The following SLC16A12 variants were observed in gnomAD, a reference collection of about 807,000 sequenced individuals.
The protein encoded by SLC16A12 is solute carrier family 16 member 12.
Under a neutral mutation model 42.4 loss-of-function variants are expected in SLC16A12, and 17 were observed. That is an observed-to-expected ratio of 0.40 (90% CI 0.27 to 0.60). SLC16A12 has a LOEUF of 0.60. SLC16A12 is among the 20% of genes least tolerant of loss of function. SLC16A12 has a pLI of 0.42. For synonymous variants in SLC16A12, 224 were observed against 229.4 expected (o/e 0.98, Z 0.21); for missense variants, 544 against 623.0 (o/e 0.87, Z 1.35).
intron 2 of SLC16A12, among the ~76,000 whole-genome samples, chr10:89,483,730 G>A (rs1161661134): frequency 1.5e-5 from 2 of 131,140 alleles, no homozygotes; most frequent in Non-Finnish European, 3.1e-5. Flanking sequence ...ATAGTGAGAC[G>A]CTGCCTCTAA....
At chr10:89,540,878 C>A (rs1416770105) in intron 2 of SLC16A12, among the ~76,000 whole-genome samples, 1 of 151,686 alleles carries the variant, frequency 6.6e-6, no homozygotes, top group Non-Finnish European at 1.5e-5. Context: ...AATCTCATTT[C>A]TACCACTTCT....
At chr10:89,445,545 A>G (rs1462069809) in intron 3 of SLC16A12, among the ~76,000 whole-genome samples, 1 of 152,254 alleles carries the variant, frequency 6.6e-6, no homozygotes, top group African/African-American at 2.4e-5. Context: ...ACAAACAGAA[A>G]CGAATAACAT....
intron 2 of SLC16A12, among the ~76,000 whole-genome samples, chr10:89,531,427 G>A (rs1765305515): frequency 6.6e-6 from 1 of 151,988 alleles, no homozygotes; most frequent in South Asian, 2.1e-4. Context: ...CAATAGCAAA[G>A]TACAACTGGC....
At chr10:89,526,197 G>A (rs1369207624) in intron 2 of SLC16A12, among the ~76,000 whole-genome samples, 1 of 151,804 alleles carries the variant, frequency 6.6e-6, no homozygotes, top group Non-Finnish European at 1.5e-5. Flanking sequence ...AACTGTACAT[G>A]GGGGAATTAT....
chr10:89,514,953 A>G (rs557979740), intron 2 of SLC16A12, among the ~76,000 whole-genome samples: 3 of 152,214 alleles, frequency 2.0e-5, no homozygotes, highest in South Asian at 2.1e-4. Context: ...TTAGCCAGTC[A>G]TAGTGGCATG....
upstream of SLC16A12, among the ~76,000 whole-genome samples, chr10:89,538,164 A>G (rs147297245): frequency 9.2e-5 from 14 of 152,362 alleles, no homozygotes; most frequent in African/African-American, 3.4e-4. Context: ...GGGGTGGAGA[A>G]TGTTGGACTG....
chr10:89,458,937 A>G (rs537278675), intron 3 of SLC16A12, among the ~76,000 whole-genome samples: 66 of 152,346 alleles, frequency 4.3e-4, no homozygotes, highest in Non-Finnish European at 8.2e-4. Flanking sequence ...TGTGCAAGTA[A>G]GATGTGTTTA....
chr10:89,495,060 A>G (rs1413442953), intron 2 of SLC16A12, among the ~76,000 whole-genome samples: 1 of 152,146 alleles, frequency 6.6e-6, no homozygotes, highest in Non-Finnish European at 1.5e-5. Context: ...TAAAAACACT[A>G]GGAACTGGCC....
rs1180085385 is a variant in SLC16A12, at chr10:89,430,830, TAAAC to T, written c.*2230_*2233del. ...ACAGAAATTATATTGCAGAACCACA[TAAAC>T]AAAATTTTGTTGTGATCATGATAAA... is the stretch of plus-strand genomic sequence containing the variant. On this transcript the variant is annotated 3_prime_UTR_variant, in exon 8 of 8. Transcript: ENST00000371790. 2.7e-5 allele frequency: 11 copies of T among 400,202 alleles called. No individual in the cohort carries two copies. The highest frequency in any genetic ancestry group is 3.5e-5 in the Non-Finnish European group (7 of 202,334). The allele number at this position is 400,202 out of a possible 1,614,324, so 24.8% of individuals were successfully genotyped here.
intron 2 of SLC16A12, among the ~76,000 whole-genome samples, chr10:89,512,527 A>G (rs994881682): frequency 6.6e-6 from 1 of 152,134 alleles, no homozygotes; most frequent in East Asian, 1.9e-4. Context: ...TTAACCACCA[A>G]TGGTTAATGA....
At chr10:89,473,603 A>G (rs1467373173) in intron 2 of SLC16A12, among the ~76,000 whole-genome samples, 2 of 152,164 alleles carry the variant, frequency 1.3e-5, no homozygotes, top group East Asian at 1.9e-4. Flanking sequence ...ATAGCAACAA[A>G]CAAGTTGTAA....
intron 3 of SLC16A12, among the ~76,000 whole-genome samples, chr10:89,460,462 C>T (rs941755113): frequency 1.5e-5 from 2 of 133,310 alleles, no homozygotes; most frequent in African/African-American, 5.7e-5. Context: ...CAGTGGCTCA[C>T]GTCTGTAATC....
At chr10:89,486,652 AAAGAAAGAAAGAAAAG>A (rs1218374006) in intron 2 of SLC16A12, among the ~76,000 whole-genome samples, 1,425 of 115,466 alleles carry the variant, frequency 0.012, 72 homozygotes, top group African/African-American at 0.029. Flanking sequence ...AGAAAGAAAG[AAAGAAAGAAAGAAAAG>A]AAAGAAAGAA....
chr10:89,531,927 T>A (rs1254103976), intron 2 of SLC16A12, among the ~76,000 whole-genome samples: 1 of 152,210 alleles, frequency 6.6e-6, no homozygotes, highest in East Asian at 1.9e-4. Flanking sequence ...CCCAAAGTAC[T>A]TATGCATCTC....
At chr10:89,437,089 G>A (rs1241445851) in intron 6 of SLC16A12, among the ~76,000 whole-genome samples, 1 of 152,112 alleles carries the variant, frequency 6.6e-6, no homozygotes, top group African/African-American at 2.4e-5. Flanking sequence ...GATACTTTTA[G>A]GTATGTTATC....
At position 89,438,793 on chromosome 10, in the gene SLC16A12, A is replaced by G; in HGVS notation, c.839T>C (p.Met280Thr). 6.2e-7 allele frequency: 1 copy of G among 1,614,220 alleles called. No individual in the cohort carries two copies. The highest frequency in any genetic ancestry group is 8.5e-7 in the Non-Finnish European group (1 of 1,180,042). Residue 280 changes from methionine (M) to threonine (T), a missense_variant, in exon 6 of 8, where the codon ATG becomes ACG. Met to Thr is a moderately conservative substitution (Grantham distance 81). Transcript: ENST00000371790. ...GACGGCTAACACAACAAAGTCTGAC[A>G]TGAGTAAAAAACTGTACTCTTGCTG... Reference protein sequence around the residue: ...CLQQEYSFLLMSDFVVLAVSV... With the variant: ...CLQQEYSFLLTSDFVVLAVSV...
chr10:89,433,404 G>A lies in SLC16A12; in HGVS notation c.1289-78C>T, dbSNP rs185386785. 4,169 of 1,469,646 alleles carry A rather than the reference G, an allele frequency of 2.8e-3. 9 individuals are homozygous for A. The highest frequency in any genetic ancestry group is 3.5e-3 in the Non-Finnish European group (3,776 of 1,069,264). 91.0% of individuals were successfully genotyped at this position (1,469,646 alleles called of 1,614,324 possible). On this transcript the variant is annotated intron_variant, in intron 7 of 7. Coordinates refer to ENST00000371790, the MANE Select transcript of SLC16A12 (RefSeq NM_213606.4). ...ACCCACTCTCAAATTCTAATGATTT[G>A]TAAGGATAATAATAGATCGATAGCA...
At chr10:89,459,292 C>T (rs1842251543) in intron 3 of SLC16A12, among the ~76,000 whole-genome samples, 1 of 150,672 alleles carries the variant, frequency 6.6e-6, no homozygotes, top group African/African-American at 2.4e-5. Flanking sequence ...AAGACAATGA[C>T]TCCCATAACC....
chr10:89,515,870 A>G (rs1033409381), intron 2 of SLC16A12, among the ~76,000 whole-genome samples: 49 of 152,200 alleles, frequency 3.2e-4, no homozygotes, highest in African/African-American at 1.1e-3. Flanking sequence ...TTTCATTTTC[A>G]ATTAAATAGC....
Sources: gnomAD v4.1 joint callset for allele counts (sites outside exome capture counted in the v4.1 genomes callset) on GRCh38, gnomAD v4.1.1 for gene constraint, MANE v1.5 for transcripts, NCBI Gene and HGNC (gene_info 2026-07-23, HGNC 2026-07-21) for gene names.